Variants in SLC9B1 observed in about 807,000 individuals in gnomAD.
SLC9B1 encodes sodium/hydrogen exchanger 9B1.
In SLC9B1, 32 loss-of-function variants were observed where a neutral mutation model predicts 51.7. That is an observed-to-expected ratio of 0.62 (90% confidence interval 0.47 to 0.83). The LOEUF (loss-of-function observed/expected upper bound fraction) is 0.83. SLC9B1 is among the 40% of genes least tolerant of loss of function. The pLI, the probability that SLC9B1 is intolerant of heterozygous loss-of-function variation, is 0.00. For synonymous variants in SLC9B1, 145 were observed against 212.7 expected (o/e 0.68, Z 2.77); for missense variants, 406 against 613.2 (o/e 0.66, Z 3.57).
chr4:102,946,512 G>T, intron 5 of SLC9B1, 135 bp downstream of exon 5: 1 of 945,912 alleles, frequency 1.1e-6, no homozygotes, highest in Admixed American at 2.8e-5. Flanking sequence ...CGCCATGCCC[G>T]GCCTTTTTTT....
intron 7 of SLC9B1, 122 bp from the exon 8 acceptor site, chr4:102,911,659 C>A: frequency 1.7e-6 from 1 of 599,784 alleles, no homozygotes; most frequent in Non-Finnish European, 2.9e-6. Context: ...CAAATATATG[C>A]AAATGGTCTT....
intron 11 of SLC9B1, among the ~76,000 whole-genome samples, chr4:102,902,923 G>A (rs573502047): frequency 4.5e-4 from 69 of 152,258 alleles, no homozygotes; most frequent in Admixed American, 1.9e-3. Flanking sequence ...AGCAGAGAAC[G>A]GTGGAAGAGG....
chr4:102,961,402 C>A (rs1224353936), intron 3 of SLC9B1, among the ~76,000 whole-genome samples: 3 of 152,296 alleles, frequency 2.0e-5, no homozygotes. Context: ...TCTCAAATCT[C>A]CCCAGCCTCT....
chr4:102,905,375 A>C, intron 11 of SLC9B1, 139 bp downstream of exon 11: 1 of 1,003,598 alleles, frequency 1.0e-6, no homozygotes, highest in East Asian at 2.5e-5. Flanking sequence ...CGTTAATTTT[A>C]ATGAATAGTT....
At chr4:102,972,403 G>A (rs1301049434) in intron 3 of SLC9B1, among the ~76,000 whole-genome samples, 3 of 152,092 alleles carry the variant, frequency 2.0e-5, no homozygotes, top group African/African-American at 7.2e-5. Flanking sequence ...GTGCCACCAT[G>A]CCCAGCTAAT....
At chr4:102,898,252 G>C, downstream of SLC9B1, 1 of 487,012 alleles carries the variant, frequency 2.1e-6, no homozygotes, top group South Asian at 1.5e-5. Context: ...AACTGATCAG[G>C]GACCACAGAA....
At chr4:102,929,881 C>G (rs1450728637) in intron 7 of SLC9B1, among the ~76,000 whole-genome samples, 1 of 152,204 alleles carries the variant, frequency 6.6e-6, no homozygotes, top group South Asian at 2.1e-4. Flanking sequence ...TGACAGATAC[C>G]AATCATGAAG....
rs548896952 is a variant in SLC9B1 at position 102,921,340 on chromosome 4, C to T, written c.830-9803G>A. On this transcript the variant is annotated intron_variant, in intron 7 of 11. Coordinates refer to ENST00000296422, the MANE Select transcript of SLC9B1 (RefSeq NM_139173.4). ...TTCATAAGTGAAGGAGAAATAAAAT[C>T]CTTTACAGACAAGCAAATGCTGAGA... Among the ~76,000 whole-genome samples the T allele has an allele frequency of 7.2e-5, 11 of 152,218 alleles. 2 individuals carry two copies. The South Asian group carries it at 2.3e-3, about 32-fold the overall frequency.
At chr4:102,939,247 C>T (rs1359786092) in intron 6 of SLC9B1, among the ~76,000 whole-genome samples, 1 of 151,312 alleles carries the variant, frequency 6.6e-6, no homozygotes, top group Non-Finnish European at 1.5e-5. Flanking sequence ...TCAGAGACTA[C>T]GATGAACATC....
chr4:103,002,506 CCAA>C (rs797004668), intron 1 of SLC9B1, among the ~76,000 whole-genome samples: 4 of 152,198 alleles, frequency 2.6e-5, no homozygotes, highest in African/African-American at 9.6e-5. Context: ...AGAAAAAAAT[CCAA>C]CAACTATATG....
intron 7 of SLC9B1, among the ~76,000 whole-genome samples, chr4:102,919,674 C>T (rs1344575733): frequency 1.3e-5 from 2 of 152,194 alleles, no homozygotes; most frequent in African/African-American, 4.8e-5. Flanking sequence ...CCGTGACAGA[C>T]TACCTGGAAA....
chr4:102,966,310 T>A (rs1738428018), intron 3 of SLC9B1, among the ~76,000 whole-genome samples: 1 of 152,200 alleles, frequency 6.6e-6, no homozygotes, highest in Non-Finnish European at 1.5e-5. Flanking sequence ...TTCAGTACAT[T>A]CCTTAAAATC....
At chr4:103,011,772 T>C (rs565108787) in intron 1 of SLC9B1, among the ~76,000 whole-genome samples, 3 of 152,284 alleles carry the variant, frequency 2.0e-5, no homozygotes, top group South Asian at 4.1e-4. Context: ...CTGAGCCACA[T>C]GTGTGGAGCA....
intron 3 of SLC9B1, among the ~76,000 whole-genome samples, chr4:102,965,083 A>T (rs1369893731): frequency 1.3e-5 from 2 of 152,226 alleles, no homozygotes; most frequent in Non-Finnish European, 2.9e-5. Context: ...AGAGTATATG[A>T]TCAATATACA....
intron 11 of SLC9B1, chr4:102,891,778 A>T (rs1734259781): frequency 1.3e-5 from 2 of 152,234 alleles, no homozygotes; most frequent in Admixed American, 1.3e-4. Context: ...TAGCAATTTA[A>T]GTCATAATAA....
chr4:102,940,795 G>C (rs1407265549), intron 6 of SLC9B1, among the ~76,000 whole-genome samples: 1 of 152,110 alleles, frequency 6.6e-6, no homozygotes, highest in Admixed American at 6.6e-5. Context: ...CAGTGGAACA[G>C]GTTACAGAAC....
intron 1 of SLC9B1, among the ~76,000 whole-genome samples, chr4:102,994,477 C>G (rs1490961848): frequency 6.6e-6 from 1 of 152,180 alleles, no homozygotes; most frequent in Non-Finnish European, 1.5e-5. Flanking sequence ...TCCACACTTT[C>G]CCACATCTTC....
chr4:102,934,945 A>T (rs919216116), intron 6 of SLC9B1, among the ~76,000 whole-genome samples: 2 of 152,162 alleles, frequency 1.3e-5, no homozygotes, highest in African/African-American at 4.8e-5. Flanking sequence ...CTTCAAAAGC[A>T]ATTCTGCTCT....
At chr4:102,974,241 TGAAAAAAAAAA>T (rs1738926297) in intron 3 of SLC9B1, among the ~76,000 whole-genome samples, 1 of 16,758 alleles carries the variant, frequency 6.0e-5, no homozygotes, top group African/African-American at 1.8e-4. Flanking sequence ...TGTCTAAAAT[TGAAAAAAAAAA>T]AAAAAAAAAA....
Sources: gnomAD v4.1 joint callset for allele counts (sites outside exome capture counted in the v4.1 genomes callset) on GRCh38, gnomAD v4.1.1 for gene constraint, MANE v1.5 for transcripts, NCBI Gene and HGNC (gene_info 2026-07-23, HGNC 2026-07-21) for gene names.